Variants in WDR43 observed in about 807,000 individuals in gnomAD.
The protein encoded by WDR43 is WD repeat domain 43.
WDR43 carries 13 observed loss-of-function variants against 91.4 expected under a neutral mutation model. The ratio of observed to expected loss-of-function variants is 0.14; its 90% CI spans 0.09 to 0.23. The LOEUF (loss-of-function observed/expected upper bound fraction) is 0.23, where lower values mean the gene tolerates loss of function less well. Ranked by LOEUF, WDR43 falls within the 10% of genes least tolerant of loss-of-function variation. The pLI is 1.00. For synonymous variants in WDR43, 331 were observed against 287.9 expected (o/e 1.15, Z -1.51); for missense variants, 780 against 809.4 (o/e 0.96, Z 0.44).
intron 5 of WDR43, 144 bp downstream of exon 5, chr2:28,914,352 C>G: frequency 9.2e-7 from 1 of 1,081,650 alleles, no homozygotes; most frequent in Non-Finnish European, 1.3e-6. Flanking sequence ...ATTGAGCCTG[C>G]CTACAAAACA....
intron 11 of WDR43, among the ~76,000 whole-genome samples, chr2:28,930,616 T>C (rs757340120): frequency 5.3e-5 from 8 of 152,192 alleles, no homozygotes; most frequent in Non-Finnish European, 7.3e-5. Context: ...GGGTGAAGAT[T>C]TGGTGAAAAA....
intron 15 of WDR43, among the ~76,000 whole-genome samples, chr2:28,941,985 T>A (rs942355822): frequency 2.0e-5 from 3 of 152,222 alleles, no homozygotes; most frequent in African/African-American, 7.2e-5. Context: ...AAAGTTTAGT[T>A]GTGTCTGTTT....
At position 28,897,239 on chromosome 2, in the gene WDR43, T is replaced by C. The variant is rs186996391; in HGVS notation, c.225+2316T>C. ...TCTTGTATTAAAACAAACTTGCACA[T>C]ATATTATGGTATAAAATTAAAAAGT... On this transcript the variant is annotated intron_variant, in intron 1 of 17. Transcript: ENST00000407426. Among the ~76,000 whole-genome samples the C allele has an allele frequency of 6.1e-3, 923 of 152,268 alleles. 10 individuals carry two copies. Among genetic ancestry groups the C allele is most frequent in the African/African-American group, 0.021 (861 of 41,550 alleles).
At chr2:28,905,709 A>T (rs1670666821) in intron 2 of WDR43, among the ~76,000 whole-genome samples, 1 of 140,636 alleles carries the variant, frequency 7.1e-6, no homozygotes, top group Non-Finnish European at 1.5e-5. Context: ...GTTGTTGCCC[A>T]GGCTGGAGGC....
At chr2:28,935,171 G>A (rs1553329714) in intron 11 of WDR43, among the ~76,000 whole-genome samples, 1 of 152,140 alleles carries the variant, frequency 6.6e-6, no homozygotes, top group Non-Finnish European at 1.5e-5. Flanking sequence ...ACTCTAGGGT[G>A]GATACAGCCC....
intron 1 of WDR43, among the ~76,000 whole-genome samples, chr2:28,898,997 A>C (rs1339852390): frequency 2.0e-5 from 3 of 151,140 alleles, no homozygotes; most frequent in Admixed American, 6.7e-5. Flanking sequence ...TTCTGGATCA[A>C]ATGCTGATGA....
intron 5 of WDR43, 106 bp downstream of exon 5, chr2:28,914,314 T>A: frequency 7.5e-7 from 1 of 1,329,126 alleles, no homozygotes; most frequent in Non-Finnish European, 1.0e-6. Context: ...GTATCTAATG[T>A]TGGATTTACA....
intron 2 of WDR43, among the ~76,000 whole-genome samples, chr2:28,903,313 C>G (rs1340238289): frequency 6.6e-6 from 1 of 151,932 alleles, no homozygotes; most frequent in Non-Finnish European, 1.5e-5. Context: ...AATTACTAAC[C>G]TAAAATTAGT....
intron 11 of WDR43, among the ~76,000 whole-genome samples, chr2:28,932,991 C>T (rs903043825): frequency 2.0e-5 from 3 of 152,050 alleles, no homozygotes; most frequent in Non-Finnish European, 4.4e-5. Flanking sequence ...TAATGAAGAC[C>T]TAAGTAAATA....
At chr2:28,935,274 T>G (rs1486249619) in intron 11 of WDR43, among the ~76,000 whole-genome samples, 2 of 152,164 alleles carry the variant, frequency 1.3e-5, no homozygotes, top group Non-Finnish European at 2.9e-5. Flanking sequence ...CACAAAGAAG[T>G]AAAATTACTT....
chr2:28,905,667 T>C (rs865803379), intron 2 of WDR43, among the ~76,000 whole-genome samples: 33 of 146,556 alleles, frequency 2.3e-4, no homozygotes, highest in South Asian at 6.4e-4. Context: ...CTTCTTCTCT[T>C]TTTTTTTTTT....
chr2:28,947,732 C>CT lies in WDR43; in HGVS notation c.*957dup, dbSNP rs1671572111. On this transcript the variant is annotated 3_prime_UTR_variant, in exon 18 of 18. Transcript: ENST00000407426. Reference sequence around the variant, plus strand: ...ATTAAATAATTTAATGTTTTTCTTCCTTTTCATTACCTACTCTTGGCAGTG... The same window carrying CT: ...ATTAAATAATTTAATGTTTTTCTTCCTTTTTCATTACCTACTCTTGGCAGTG... 6.6e-6 allele frequency: 1 copy of CT among 151,466 alleles called. No homozygotes were observed. The highest frequency in any genetic ancestry group is 1.5e-5 in the Non-Finnish European group (1 of 67,852). The allele number at this position is 151,466 out of a possible 1,614,324, so 9.4% of individuals were successfully genotyped here. A position where few individuals can be genotyped will look rare whatever the true frequency, so the allele number is the denominator to read the frequency against.
intron 3 of WDR43, among the ~76,000 whole-genome samples, chr2:28,908,483 CTG>C (rs1344735028): frequency 6.6e-6 from 1 of 152,098 alleles, no homozygotes; most frequent in Non-Finnish European, 1.5e-5. Flanking sequence ...GGGGTAGGGC[CTG>C]TGTTACTGTA....
chr2:28,903,112 G>A (rs1249281240), intron 2 of WDR43, among the ~76,000 whole-genome samples: 2 of 151,836 alleles, frequency 1.3e-5, no homozygotes, highest in African/African-American at 4.8e-5. Context: ...TTTGTATCCT[G>A]ATTTTTTTCA....
At chr2:28,944,301 G>A (rs1160769102) in intron 16 of WDR43, among the ~76,000 whole-genome samples, 1 of 152,158 alleles carries the variant, frequency 6.6e-6, no homozygotes, top group African/African-American at 2.4e-5. Context: ...ATTGATTTGT[G>A]TTAACATGTA....
chr2:28,934,983 C>T (rs1671312139), intron 11 of WDR43, among the ~76,000 whole-genome samples: 2 of 152,170 alleles, frequency 1.3e-5, no homozygotes, highest in Admixed American at 6.5e-5. Context: ...CTGATCTGCT[C>T]TGTGTCCTTT....
intron 7 of WDR43, among the ~76,000 whole-genome samples, chr2:28,924,722 G>C (rs886402903): frequency 6.6e-6 from 1 of 152,086 alleles, no homozygotes; most frequent in Non-Finnish European, 1.5e-5. Context: ...TGGCAGCTTG[G>C]GGCTTCTTGG....
intron 14 of WDR43, among the ~76,000 whole-genome samples, chr2:28,938,319 T>G (rs1671372567): frequency 6.6e-6 from 1 of 152,186 alleles, no homozygotes; most frequent in East Asian, 1.9e-4. Flanking sequence ...CACGGCAGGT[T>G]TTAAATGTTT....
intron 7 of WDR43, among the ~76,000 whole-genome samples, chr2:28,924,505 A>C (rs1266266139): frequency 6.6e-6 from 1 of 152,178 alleles, no homozygotes; most frequent in African/African-American, 2.4e-5. Context: ...ACAAGTTGGG[A>C]GTGCTGCAGG....
Sources: allele counts gnomAD v4.1 joint callset (sites outside exome capture counted in the v4.1 genomes callset), GRCh38; gene constraint gnomAD v4.1.1; transcripts MANE v1.5; gene names NCBI Gene and HGNC (gene_info 2026-07-23, HGNC 2026-07-21).